Variants in LARP1B observed in about 807,000 individuals in gnomAD.
LARP1B encodes the protein La ribonucleoprotein 1B, also known as la-related protein 1B.
In LARP1B, 76 loss-of-function variants were observed where a neutral mutation model predicts 114.2. That is an observed-to-expected ratio of 0.67 (90% CI 0.55 to 0.81). The LOEUF is 0.81. Ranked by LOEUF, LARP1B falls within the 30% of genes least tolerant of loss-of-function variation. LARP1B has a pLI of 0.00. For missense variants in LARP1B, 1,014 were observed against 1,075.8 expected, an observed-to-expected ratio of 0.94 and a Z score of 0.80; for synonymous variants, 345 against 348.0, an observed-to-expected ratio of 0.99 and a Z score of 0.10.
chr4:128,092,888 C>G, intron 7 of LARP1B: 1 of 985,402 alleles, frequency 1.0e-6, no homozygotes, highest in East Asian at 1.1e-4. Context: ...GCTGCCAAGT[C>G]CCTTCTGAGA....
intron 11 of LARP1B, among the ~76,000 whole-genome samples, chr4:128,147,101 T>C (rs1730671127): frequency 6.6e-6 from 1 of 152,210 alleles, no homozygotes; most frequent in Non-Finnish European, 1.5e-5. Flanking sequence ...AGCATAGTGA[T>C]AGGCAATTTG....
chr4:128,155,729 G>A, intron 11 of LARP1B: 4 of 1,608,290 alleles, frequency 2.5e-6, no homozygotes, highest in South Asian at 2.2e-5. Flanking sequence ...AGGCCCGAGC[G>A]GAACAAGCTG....
In LARP1B at chr4:128,114,621, A is replaced by C. The variant is rs1260500482; in HGVS notation, c.1040A>C (p.Asn347Thr). ...GGAAGCCCATTGAGCCCAAAGAAAAACAGTGAAACAAGTATTCTTCAAGCA... is the reference window on the plus strand; with the variant it reads ...GGAAGCCCATTGAGCCCAAAGAAAACCAGTGAAACAAGTATTCTTCAAGCA... ...RIGSPLSPKK[N>T]SETSILQAMS... is the part of the protein sequence containing the mutation. The change falls in exon 10 of 20, where the codon AAC becomes ACC. Residue 347 changes from asparagine (N) to threonine (T), a missense_variant. Physicochemically the swap from Asn to Thr is moderately conservative, Grantham distance 65 (BLOSUM62 0). Transcript: ENST00000326639. 1 of 1,613,806 alleles carries C rather than the reference A, an allele frequency of 6.2e-7. No individual in the cohort carries two copies. Among genetic ancestry groups the C allele is most frequent in the African/African-American group, 1.3e-5 (1 of 74,924 alleles).
intron 1 of LARP1B, among the ~76,000 whole-genome samples, chr4:128,063,358 G>T (rs994022208): frequency 1.4e-5 from 2 of 145,776 alleles, no homozygotes; most frequent in Admixed American, 7.0e-5. Context: ...AACCCGGGAG[G>T]TGGAGGTTGC....
At chr4:128,083,445 G>A (rs1192806259) in intron 5 of LARP1B, among the ~76,000 whole-genome samples, 1 of 149,776 alleles carries the variant, frequency 6.7e-6, no homozygotes, top group African/African-American at 2.5e-5. Flanking sequence ...CGGGCAGGGG[G>A]CTGACCCCCC....
intron 11 of LARP1B, among the ~76,000 whole-genome samples, chr4:128,146,995 T>TC (rs1730634163): frequency 6.6e-6 from 1 of 152,346 alleles, no homozygotes; most frequent in Non-Finnish European, 1.5e-5. Context: ...TTGCAACACA[T>TC]TCTCCTTGAT....
intron 12 of LARP1B, among the ~76,000 whole-genome samples, chr4:128,166,274 T>A (rs1740776313): frequency 6.6e-6 from 1 of 152,012 alleles, no homozygotes; most frequent in Non-Finnish European, 1.5e-5. Context: ...GTATCTTATT[T>A]ATTGGAAAGT....
At chr4:128,222,361 C>T (rs773194412) in exon 8 of LARP1B, 65 of 456,436 alleles carry the variant, frequency 1.4e-4, no homozygotes, top group Admixed American at 2.8e-4. Flanking sequence ...TCACCATGAT[C>T]GATTACTTCT....
chr4:128,113,985 C>T (rs551787663), intron 9 of LARP1B, among the ~76,000 whole-genome samples: 7 of 152,092 alleles, frequency 4.6e-5, no homozygotes, highest in African/African-American at 1.4e-4. Context: ...AGGGTTTCTC[C>T]GTGTTGGTCA....
At chr4:128,069,709 G>C (rs1315029342) in intron 1 of LARP1B, 1 of 341,030 alleles carries the variant, frequency 2.9e-6, no homozygotes, top group South Asian at 3.8e-5. Flanking sequence ...TGTATTTATG[G>C]TTGTTTTTTG....
chr4:128,069,679 G>A lies in LARP1B; in HGVS notation c.-77-4781G>A, dbSNP rs1212503065. 21 of 463,782 alleles carry A rather than the reference G, an allele frequency of 4.5e-5. 1 individual carries two copies. In the Admixed American group the frequency reaches 5.0e-4, roughly 11 times the overall value. The allele number at this position is 463,782 out of a possible 1,614,324, so 28.7% of individuals were successfully genotyped here. Reference sequence around the variant, plus strand: ...GATTCTTTTATTAAAATCACAATATGGGTTTATTAATCCCTTACTTGTATT... The same window carrying A: ...GATTCTTTTATTAAAATCACAATATAGGTTTATTAATCCCTTACTTGTATT... On this transcript the variant is annotated intron_variant, in intron 1 of 19. Coordinates refer to ENST00000326639, the MANE Select transcript of LARP1B (RefSeq NM_018078.4).
In LARP1B at chr4:128,143,796, G is replaced by GGTGTGTGTGTGTGTGTGTGTGTGTGT. The variant is rs72408437; in HGVS notation, c.1525-18376_1525-18375insGTGTGTGTGTGTGTGTGTGTGTGTGT. 1.0e-3 allele frequency among the ~76,000 whole-genome samples: 148 copies of GGTGTGTGTGTGTGTGTGTGTGTGTGT among 147,932 alleles called. 1 individual carries two copies. The highest frequency in any genetic ancestry group is 3.4e-3 in the Middle Eastern group (1 of 290). Reference sequence around the variant, plus strand: ...TGAACATAGATAAGTTAAGGCACAGGGTGTGTGTGTGTGTGTGTGTGTATC... The same window carrying GGTGTGTGTGTGTGTGTGTGTGTGTGT: ...TGAACATAGATAAGTTAAGGCACAGGGTGTGTGTGTGTGTGTGTGTGTGTGTGTGTGTGTGTGTGTGTGTGTGTATC... On this transcript the variant is annotated intron_variant, in intron 11 of 19. Coordinates refer to ENST00000326639, the MANE Select transcript of LARP1B (RefSeq NM_018078.4).
At chr4:128,189,226 C>G (rs890402845) in intron 15 of LARP1B, among the ~76,000 whole-genome samples, 3 of 143,546 alleles carry the variant, frequency 2.1e-5, no homozygotes, top group African/African-American at 7.7e-5. Flanking sequence ...CTGAATTGAT[C>G]CTTTCCTTTA....
intron 11 of LARP1B, among the ~76,000 whole-genome samples, chr4:128,137,793 T>TATATA (rs1561370550): frequency 1.4e-3 from 42 of 30,526 alleles, no homozygotes; most frequent in Middle Eastern, 0.028. Context: ...ATATATATAT[T>TATATA]TTTTTTTTAG....
intron 8 of LARP1B, among the ~76,000 whole-genome samples, chr4:128,102,896 T>G (rs1188194541): frequency 6.6e-6 from 1 of 152,174 alleles, no homozygotes; most frequent in Non-Finnish European, 1.5e-5. Flanking sequence ...TCAAACCTTG[T>G]TTTCTAAATT....
At chr4:128,069,621 A>G (rs1764413896) in intron 1 of LARP1B, 3 of 657,670 alleles carry the variant, frequency 4.6e-6, no homozygotes, top group Non-Finnish European at 8.2e-6. Context: ...ATCTTGGCTT[A>G]CCTGATGGCT....
intron 15 of LARP1B, among the ~76,000 whole-genome samples, chr4:128,195,210 G>T (rs985589750): frequency 2.6e-5 from 4 of 152,102 alleles, no homozygotes; most frequent in Admixed American, 6.5e-5. Context: ...TAGGCTTATT[G>T]ATAGTAATAT....
intron 11 of LARP1B, among the ~76,000 whole-genome samples, chr4:128,154,763 A>G (rs1021794697): frequency 2.8e-4 from 43 of 152,068 alleles, no homozygotes; most frequent in Non-Finnish European, 4.9e-4. Context: ...CTGAATTGTA[A>G]TCTGTTTACA....
At chr4:128,168,135 G>A (rs766534551) in intron 12 of LARP1B, among the ~76,000 whole-genome samples, 16 of 151,936 alleles carry the variant, frequency 1.1e-4, no homozygotes, top group Non-Finnish European at 1.9e-4. Flanking sequence ...ATGCTTTTGA[G>A]GGCACTGTTG....
Sources: allele counts gnomAD v4.1 joint callset (sites outside exome capture counted in the v4.1 genomes callset), GRCh38; gene constraint gnomAD v4.1.1; transcripts MANE v1.5; gene names NCBI Gene and HGNC (gene_info 2026-07-23, HGNC 2026-07-21).